FBXO42: variants seen among roughly 807,000 people sequenced by gnomAD.
FBXO42 encodes F-box only protein 42.
A neutral mutation model predicts 71.7 loss-of-function variants in FBXO42; 12 were observed. That is an observed-to-expected ratio of 0.17 (90% CI 0.11 to 0.27). The LOEUF (loss-of-function observed/expected upper bound fraction) is 0.27, where lower values mean the gene tolerates loss of function less well. Ranked by LOEUF, FBXO42 falls within the 10% of genes least tolerant of loss-of-function variation. The pLI is 1.00. For synonymous variants in FBXO42, 325 were observed against 327.5 expected (o/e 0.99, Z 0.08); for missense variants, 707 against 911.9 (o/e 0.78, Z 2.89).
At chr1:16,332,058 A>T (rs1344662877) in intron 1 of FBXO42, among the ~76,000 whole-genome samples, 1 of 152,170 alleles carries the variant, frequency 6.6e-6, no homozygotes, top group Non-Finnish European at 1.5e-5. Context: ...TCCAAAAAAA[A>T]AAAGAAAAAG....
At chr1:16,289,408 T>TAAA (rs58450626) in intron 4 of FBXO42, among the ~76,000 whole-genome samples, 1 of 139,302 alleles carries the variant, frequency 7.2e-6, no homozygotes. Flanking sequence ...ATTGTCTCTT[T>TAAA]AAAAAAAAAA....
At chr1:16,318,107 C>T (rs1390477047) in intron 1 of FBXO42, among the ~76,000 whole-genome samples, 1 of 152,058 alleles carries the variant, frequency 6.6e-6, no homozygotes, top group South Asian at 2.1e-4. Flanking sequence ...GCTGAATACT[C>T]ACGCACTTCT....
intron 4 of FBXO42, among the ~76,000 whole-genome samples, chr1:16,271,439 C>G (rs1285691622): frequency 6.6e-6 from 1 of 151,986 alleles, no homozygotes; most frequent in African/African-American, 2.4e-5. Context: ...TGCCACCACA[C>G]CTGGCTAATT....
chr1:16,304,421 A>G (rs2082229272), intron 3 of FBXO42, among the ~76,000 whole-genome samples: 1 of 151,984 alleles, frequency 6.6e-6, no homozygotes, highest in Non-Finnish European at 1.5e-5. Context: ...ACCCAGCCCA[A>G]ATTTGAATTT....
In FBXO42 at chr1:16,252,311, G is replaced by T. The variant is rs1178172714; in HGVS notation, c.1015C>A (p.Leu339Met). The T allele has an allele frequency of 6.2e-7, 1 of 1,614,046 alleles. No individual in the cohort carries two copies. The highest frequency in any genetic ancestry group is 8.5e-7 in the Non-Finnish European group (1 of 1,180,000). Residue 339 changes from leucine (L) to methionine (M), a missense_variant, in exon 9 of 10, where the codon CTG becomes ATG. Transcript: ENST00000375592. This position sits in a 1 kb window ranked among gnomAD's most constrained non-coding sequence, Gnocchi z 4.4. ...ACCCGGCAAGCTGGATGGCACCACA[G>T]TTCTGGGGCCCCATGCTCTTCATTT... ...VENEEHGAPE[L>M]WCHPACRVGQ...
intron 4 of FBXO42, among the ~76,000 whole-genome samples, chr1:16,284,737 G>A (rs1009573156): frequency 1.3e-5 from 2 of 152,162 alleles, no homozygotes; most frequent in Non-Finnish European, 2.9e-5. Context: ...GGAGGCCAAG[G>A]CAGGAGGATC....
chr1:16,253,521 C>T, intron 7 of FBXO42, 114 bp downstream of exon 7: 1 of 800,726 alleles, frequency 1.2e-6, no homozygotes, highest in South Asian at 1.7e-5. Context: ...AAGAATGATA[C>T]ATTTTCTTTG....
chr1:16,315,542 GA>G, intron 1 of FBXO42, 107 bp from the exon 2 acceptor site: 1 of 1,135,196 alleles, frequency 8.8e-7, no homozygotes, highest in Non-Finnish European at 1.2e-6. Flanking sequence ...CTCTCAGTGT[GA>G]AATCTGCTCT....
At chr1:16,255,261 T>C (rs893757955) in intron 6 of FBXO42, among the ~76,000 whole-genome samples, 1 of 152,166 alleles carries the variant, frequency 6.6e-6, no homozygotes, top group Non-Finnish European at 1.5e-5. Context: ...ATTAAGGGAT[T>C]AAAGAACAGA....
chr1:16,259,688 A>G lies in FBXO42; in HGVS notation c.503-2929T>C, dbSNP rs536977507. Among the ~76,000 whole-genome samples, 8 of 151,396 alleles carry G rather than the reference A, an allele frequency of 5.3e-5. No homozygotes were observed. In the East Asian group the frequency reaches 1.6e-3, roughly 29 times the overall value. On this transcript the variant is annotated intron_variant, in intron 4 of 9. Coordinates refer to ENST00000375592, the MANE Select transcript of FBXO42 (RefSeq NM_018994.3). Reference sequence around the variant, plus strand: ...GGCTGAGGCACAAGAATTGCTTGAAACTAGGAGGTGGAGGTTGCAGTGAGC... The same window carrying G: ...GGCTGAGGCACAAGAATTGCTTGAAGCTAGGAGGTGGAGGTTGCAGTGAGC...
chr1:16,336,802 G>A (rs1040733192), intron 1 of FBXO42, among the ~76,000 whole-genome samples: 7 of 151,228 alleles, frequency 4.6e-5, no homozygotes, highest in African/African-American at 1.7e-4. Context: ...TGGCAAACAT[G>A]GTGAAACCCC....
At chr1:16,308,311 A>G (rs1221447160) in intron 2 of FBXO42, among the ~76,000 whole-genome samples, 1 of 152,156 alleles carries the variant, frequency 6.6e-6, no homozygotes, top group African/African-American at 2.4e-5. Flanking sequence ...AAGCAAAAGT[A>G]ATGCAATGCA....
At position 16,252,001 on chromosome 1, in the gene FBXO42, T is replaced by C. The variant is rs1047429241; in HGVS notation, c.1039-216A>G. On this transcript the variant is annotated intron_variant, in intron 9 of 9. Coordinates refer to ENST00000375592, the MANE Select transcript of FBXO42 (RefSeq NM_018994.3). The surrounding 1 kb of genome is among the most constrained non-coding windows in gnomAD (Gnocchi z 4.4). The stretch of plus-strand genomic sequence containing the variant: ...CATATGCTATCATTAGAGATATGTA[T>C]ACAGAAGGGGTGGGGAGAAGGGAAC... Among the ~76,000 whole-genome samples the C allele has an allele frequency of 2.0e-5, 3 of 152,142 alleles. No individual in the cohort carries two copies. Among genetic ancestry groups the C allele is most frequent in the African/African-American group, 7.2e-5 (3 of 41,410 alleles).
At chr1:16,279,197 G>T (rs1047170269) in intron 4 of FBXO42, among the ~76,000 whole-genome samples, 2 of 152,146 alleles carry the variant, frequency 1.3e-5, no homozygotes, top group Admixed American at 1.3e-4. Context: ...CCCCACCTCC[G>T]AAAGTAAATT....
intron 3 of FBXO42, among the ~76,000 whole-genome samples, chr1:16,300,893 C>CTTTT (rs34549210): frequency 2.1e-4 from 21 of 100,886 alleles, no homozygotes; most frequent in African/African-American, 4.9e-4. Context: ...TAGAATTGGC[C>CTTTT]TTTTTTTTTT....
intron 4 of FBXO42, among the ~76,000 whole-genome samples, chr1:16,270,615 G>T (rs2081828874): frequency 8.1e-6 from 1 of 123,542 alleles, no homozygotes; most frequent in African/African-American, 3.1e-5. Flanking sequence ...GAGGTGGGAA[G>T]ATTACTTGAG....
intron 1 of FBXO42, among the ~76,000 whole-genome samples, chr1:16,340,614 C>T (rs1055639210): frequency 6.6e-6 from 1 of 152,072 alleles, no homozygotes; most frequent in Admixed American, 6.6e-5. Flanking sequence ...CCACTGCGCC[C>T]GGCCAACCCT....
intron 1 of FBXO42, among the ~76,000 whole-genome samples, chr1:16,320,081 C>T (rs775642496): frequency 5.9e-5 from 9 of 151,908 alleles, no homozygotes; most frequent in African/African-American, 1.5e-4. Context: ...GTACAGTCGC[C>T]GAGCATGGTG....
intron 1 of FBXO42, among the ~76,000 whole-genome samples, chr1:16,331,991 T>C (rs926049878): frequency 6.6e-6 from 1 of 151,818 alleles, no homozygotes; most frequent in African/African-American, 2.4e-5. Flanking sequence ...GAAGGTTGTG[T>C]TGAGCCGAGA....
Sources: gnomAD v4.1 joint callset for allele counts (sites outside exome capture counted in the v4.1 genomes callset) on GRCh38, gnomAD v4.1.1 for gene constraint, Gnocchi (gnomAD v3.1) non-coding constraint, MANE v1.5 for transcripts, NCBI Gene and HGNC (gene_info 2026-07-23, HGNC 2026-07-21) for gene names.